Variants in RARB observed in about 807,000 individuals in gnomAD.
RARB encodes HBV-activated protein.
A neutral mutation model predicts 51.9 loss-of-function variants in RARB; 17 were observed. The ratio of observed to expected loss-of-function variants is 0.33; its 90% CI spans 0.22 to 0.49. The LOEUF is 0.49. RARB is among the 20% of genes least tolerant of loss of function. The pLI is 0.99. For missense variants in RARB, 369 were observed against 550.8 expected, an observed-to-expected ratio of 0.67 and a Z score of 3.30; for synonymous variants, 215 against 195.4, an observed-to-expected ratio of 1.10 and a Z score of -0.84.
intron 3 of RARB, among the ~76,000 whole-genome samples, chr3:25,510,401 A>G (rs1697829396): frequency 1.3e-5 from 2 of 152,200 alleles, no homozygotes; most frequent in South Asian, 2.1e-4. Context: ...AGGTGGGTAG[A>G]TCACTTGAGG....
intron 2 of RARB, among the ~76,000 whole-genome samples, chr3:25,021,202 T>A (rs975488342): frequency 2.0e-5 from 3 of 152,228 alleles, no homozygotes; most frequent in African/African-American, 7.2e-5. Flanking sequence ...ATATTACTAA[T>A]GCAAATTTAA....
intron 3 of RARB, among the ~76,000 whole-genome samples, chr3:25,106,843 C>T (rs1259401650): frequency 6.6e-6 from 1 of 151,892 alleles, no homozygotes; most frequent in Non-Finnish European, 1.5e-5. Flanking sequence ...AGCTATGGCC[C>T]TATACCAATT....
chr3:25,586,000 C>G (rs1701369417), intron 5 of RARB, among the ~76,000 whole-genome samples: 1 of 152,114 alleles, frequency 6.6e-6, no homozygotes, highest in African/African-American at 2.4e-5. Flanking sequence ...TGTTGTAAAA[C>G]TGGGGGCAGG....
chr3:24,972,106 A>G (rs553114556), intron 2 of RARB, among the ~76,000 whole-genome samples: 23 of 151,926 alleles, frequency 1.5e-4, no homozygotes, highest in African/African-American at 5.6e-4. Context: ...TTCTAACTGT[A>G]TATTTGCACC....
intron 2 of RARB, among the ~76,000 whole-genome samples, chr3:24,897,798 G>T (rs1011999758): frequency 1.3e-5 from 2 of 151,056 alleles, no homozygotes; most frequent in Admixed American, 6.6e-5. Flanking sequence ...GGGTAAATAG[G>T]TTTAAATAAA....
At chr3:25,006,932 C>T (rs1312762473) in intron 2 of RARB, among the ~76,000 whole-genome samples, 1 of 152,124 alleles carries the variant, frequency 6.6e-6, no homozygotes, top group Non-Finnish European at 1.5e-5. Flanking sequence ...GACTAAATAT[C>T]CTCCAATGTA....
intron 3 of RARB, among the ~76,000 whole-genome samples, chr3:25,123,635 A>G (rs34302149): frequency 0.13 from 19,171 of 152,194 alleles, 1,556 homozygotes; most frequent in South Asian, 0.28. Flanking sequence ...CTCCTTGCAA[A>G]CTAAAAACTT....
chr3:24,862,364 A>G (rs1322289167), intron 2 of RARB, among the ~76,000 whole-genome samples: 2 of 152,298 alleles, frequency 1.3e-5, no homozygotes, highest in East Asian at 3.9e-4. Flanking sequence ...AGGTGGGTGA[A>G]GTTTCCAAGA....
chr3:25,422,089 A>C (rs1707878891), intron 5 of RARB, among the ~76,000 whole-genome samples: 1 of 152,232 alleles, frequency 6.6e-6, no homozygotes, highest in South Asian at 2.1e-4. Context: ...TTAATTGTTT[A>C]ATTTTAATTA....
intron 1 of RARB, among the ~76,000 whole-genome samples, chr3:25,458,887 A>G (rs71311500): frequency 0.14 from 21,788 of 152,016 alleles, 1,773 homozygotes; most frequent in African/African-American, 0.23. Context: ...TTAACAACTT[A>G]GAGGGACTCT....
At chr3:25,581,255 G>A (rs1361745009) in intron 5 of RARB, among the ~76,000 whole-genome samples, 19 of 152,148 alleles carry the variant, frequency 1.2e-4, no homozygotes, top group Non-Finnish European at 1.5e-5. Flanking sequence ...AGCTATGAGA[G>A]ACCTAATAAA....
rs114533251 is a variant in RARB, at chr3:25,461,212, C to T, written c.177C>T (p.Thr59=). Residue 59 remains threonine, a synonymous_variant, in exon 2 of 8, where the codon ACC becomes ACT. Coordinates refer to ENST00000330688, the MANE Select transcript of RARB (RefSeq NM_000965.5). ...HTAQSIETQS[T]SSEELVPSPP... is the part of the protein sequence containing the mutation. Reference sequence around the variant, plus strand: ...TTATAGCAATTGAAACACAGAGCACCAGCTCTGAGGAACTCGTCCCAAGCC... The same window carrying T: ...TTATAGCAATTGAAACACAGAGCACTAGCTCTGAGGAACTCGTCCCAAGCC... 1 of 1,612,898 alleles carries T rather than the reference C, an allele frequency of 6.2e-7. No individual in the cohort carries two copies. The highest frequency in any genetic ancestry group is 8.5e-7 in the Non-Finnish European group (1 of 1,179,536).
chr3:25,126,224 C>T (rs964978836), intron 3 of RARB, among the ~76,000 whole-genome samples: 2 of 151,980 alleles, frequency 1.3e-5, no homozygotes, highest in African/African-American at 4.8e-5. Context: ...AGTAATGTTT[C>T]CTTTAAAATA....
chr3:25,170,993 C>T (rs561923768), intron 4 of RARB, among the ~76,000 whole-genome samples: 8 of 151,808 alleles, frequency 5.3e-5, no homozygotes, highest in East Asian at 1.9e-4. Context: ...TCAACTATAC[C>T]GACAATTATT....
rs375924845 is a variant in RARB, at chr3:25,033,055, T to C, written c.-379-27070T>C. On this transcript the variant is annotated intron_variant, in intron 2 of 11. Coordinates refer to the RARB transcript ENST00000383772. ...ATTTCTAAAATAATCATCAAATATC[T>C]TCTAGTTGCCAGTTATTCATCTAGG... 1.1e-3 allele frequency among the ~76,000 whole-genome samples: 174 copies of C among 152,356 alleles called. 7 individuals are homozygous for C. The South Asian group carries it at 0.033, about 29-fold the overall frequency.
chr3:25,325,462 T>A (rs1345443633), intron 5 of RARB, among the ~76,000 whole-genome samples: 1 of 152,042 alleles, frequency 6.6e-6, no homozygotes, highest in Non-Finnish European at 1.5e-5. Context: ...GCCCAGTAGC[T>A]CTCAGCCTTA....
intron 2 of RARB, among the ~76,000 whole-genome samples, chr3:25,010,765 C>T (rs1039594102): frequency 6.6e-6 from 1 of 152,132 alleles, no homozygotes; most frequent in Non-Finnish European, 1.5e-5. Flanking sequence ...TCCTATGACA[C>T]CCTTCATGAA....
intron 1 of RARB, among the ~76,000 whole-genome samples, chr3:25,442,284 C>T (rs551231862): frequency 3.3e-5 from 5 of 152,094 alleles, no homozygotes; most frequent in African/African-American, 7.2e-5. Context: ...TACAGGAGCG[C>T]GCTACCACGC....
intron 2 of RARB, among the ~76,000 whole-genome samples, chr3:24,987,455 T>A (rs1168671667): frequency 6.6e-6 from 1 of 152,208 alleles, no homozygotes; most frequent in Non-Finnish European, 1.5e-5. Flanking sequence ...TTGGATGAAA[T>A]CTTTATCTTA....
Sources: gnomAD v4.1 joint callset for allele counts (sites outside exome capture counted in the v4.1 genomes callset) on GRCh38, gnomAD v4.1.1 for gene constraint, MANE v1.5 for transcripts, NCBI Gene and HGNC (gene_info 2026-07-23, HGNC 2026-07-21) for gene names.